CCDC40: variants seen among roughly 807,000 people sequenced by gnomAD.
The protein encoded by CCDC40 is coiled-coil domain-containing protein 40.
CCDC40 carries 104 observed loss-of-function variants against 124.5 expected under a neutral mutation model. The observed-to-expected ratio is 0.84, with a 90% CI of 0.71 to 0.98. The LOEUF (loss-of-function observed/expected upper bound fraction) is 0.98. CCDC40 is among the 50% of genes least tolerant of loss of function. CCDC40 has a pLI of 0.00. For missense variants in CCDC40, 1,463 were observed against 1,503.9 expected (o/e 0.97, Z 0.45); for synonymous variants, 580 against 602.9 (o/e 0.96, Z 0.56).
At chr17:80,069,729 T>G (rs1453318089) in intron 10 of CCDC40, among the ~76,000 whole-genome samples, 1 of 149,398 alleles carries the variant, frequency 6.7e-6, no homozygotes, top group Non-Finnish European at 1.5e-5. Context: ...CCAGCCTGGG[T>G]GACAGAGCGA....
rs752666548 is a variant in CCDC40, at chr17:80,089,774, A to G, written c.2722A>G (p.Met908Val). 5.6e-6 allele frequency: 9 copies of G among 1,614,232 alleles called. No individual in the cohort carries two copies. The highest frequency in any genetic ancestry group is 7.6e-6 in the Non-Finnish European group (9 of 1,180,028). Residue 908 changes from methionine (M) to valine (V), a missense_variant, in exon 17 of 20, where the codon ATG becomes GTG. Physicochemically the swap from Met to Val is conservative, Grantham distance 21. Transcript: ENST00000397545. ...NQLVEAEHQI[M>V]LWEKKIQLAK... ...CTCCTACCTCTAAAGACACCAGATT[A>G]TGCTTTGGGAGAAAAAAATCCAACT...
At chr17:80,090,025 G>T in intron 17 of CCDC40, 141 bp downstream of exon 17, 1 of 1,538,660 alleles carries the variant, frequency 6.5e-7, no homozygotes, top group South Asian at 1.2e-5. Context: ...CAATGGGTGA[G>T]ATTTCCAGGG....
intron 13 of CCDC40, 65 bp from the exon 14 acceptor site, chr17:80,085,938 G>A (rs2038577324): frequency 6.8e-7 from 1 of 1,464,090 alleles, no homozygotes; most frequent in South Asian, 1.1e-5. Context: ...CCAAAGTGCT[G>A]GAATTACAGG....
At chr17:80,071,854 G>A (rs182467720) in intron 10 of CCDC40, among the ~76,000 whole-genome samples, 1,904 of 15,514 alleles carry the variant, frequency 0.12, 55 homozygotes, top group African/African-American at 0.28. Flanking sequence ...TTTTTTTTTT[G>A]AGATGAAGTT....
intron 3 of CCDC40, chr17:80,040,600 A>C: frequency 5.9e-6 from 2 of 337,106 alleles, no homozygotes; most frequent in Non-Finnish European, 5.6e-6. Flanking sequence ...AATTGCTTGA[A>C]CCCGAGAGGC....
At chr17:80,074,172 G>C (rs547090257) in intron 10 of CCDC40, among the ~76,000 whole-genome samples, 44 of 152,330 alleles carry the variant, frequency 2.9e-4, no homozygotes, top group African/African-American at 9.9e-4. Context: ...AAGGGAAGCA[G>C]CCTAATTGCG....
At chr17:80,075,317 G>A (rs990247711) in intron 10 of CCDC40, among the ~76,000 whole-genome samples, 6 of 137,374 alleles carry the variant, frequency 4.4e-5, no homozygotes, top group Non-Finnish European at 6.1e-5. Flanking sequence ...CTCTTTTGTC[G>A]CCCAGGCTGG....
chr17:80,039,137 C>T (rs906786130), intron 2 of CCDC40, among the ~76,000 whole-genome samples: 2 of 152,050 alleles, frequency 1.3e-5, no homozygotes, highest in Non-Finnish European at 2.9e-5. Flanking sequence ...GAGGCTGAGG[C>T]GGATGGATCT....
rs757730799 is a variant in CCDC40, at chr17:80,086,162, G to A, written c.2395G>A (p.Asp799Asn). The A allele has an allele frequency of 3.1e-6, 5 of 1,613,776 alleles. No homozygotes were observed. In the Admixed American group the frequency reaches 8.3e-5, roughly 27 times the overall value. Residue 799 changes from aspartate (D) to asparagine (N), a missense_variant, in exon 14 of 20, where the codon GAC (aspartate) becomes AAC (asparagine). By Grantham distance (23) the Asp-to-Asn change is conservative. Coordinates refer to ENST00000397545, the MANE Select transcript of CCDC40 (RefSeq NM_017950.4). The surrounding 1 kb of genome is among the most constrained non-coding windows in gnomAD (Gnocchi z 5.5). ...QEQEEQLASL[D>N]ASKKELHIME... is the part of the protein sequence containing the mutation. ...GCAGGAGGAGCAGCTGGCCTCCCTG[G>A]ACGCATCCAAGAAGGAGCTCCACAT...
At position 80,040,285 on chromosome 17, in the gene CCDC40, C is replaced by CAGAA; in HGVS notation, c.552+15_552+16insAGAA. The stretch of plus-strand genomic sequence containing the variant: ...TGGGCAGATTGGTGAGTAGCCCTGA[C>CAGAA]TTCTGTTTTGTGCCAGTGTCGCACG... On this transcript the variant is annotated intron_variant, in intron 3 of 19. Transcript: ENST00000397545. 6.2e-7 allele frequency: 1 copy of CAGAA among 1,611,270 alleles called. No individual in the cohort carries two copies. The highest frequency in any genetic ancestry group is 8.5e-7 in the Non-Finnish European group (1 of 1,179,170).
At chr17:80,072,906 G>A (rs1306731761) in intron 10 of CCDC40, among the ~76,000 whole-genome samples, 5 of 152,190 alleles carry the variant, frequency 3.3e-5, no homozygotes, top group African/African-American at 9.7e-5. Flanking sequence ...GCATGGAGAC[G>A]TGTTTCCGTT....
chr17:80,046,532 C>CAATAATAATAATAATAAT (rs60431250), intron 3 of CCDC40, among the ~76,000 whole-genome samples: 2,763 of 147,330 alleles, frequency 0.019, 93 homozygotes, highest in African/African-American at 0.065. Flanking sequence ...GACCCTTACT[C>CAATAATAATAATAATAAT]AATAATAATA....
chr17:80,059,564 C>CTT (rs11429330), intron 9 of CCDC40, among the ~76,000 whole-genome samples: 74 of 142,512 alleles, frequency 5.2e-4, no homozygotes, highest in East Asian at 2.6e-3. Flanking sequence ...AAACAATTAA[C>CTT]TTTTTTTTTT....
intron 7 of CCDC40, among the ~76,000 whole-genome samples, chr17:80,057,018 G>A (rs1305577566): frequency 2.9e-5 from 4 of 137,918 alleles, no homozygotes; most frequent in South Asian, 4.6e-4. Flanking sequence ...CAGCCTGGGC[G>A]ACAGAGTGAG....
At chr17:80,072,485 T>C (rs1027689809) in intron 10 of CCDC40, among the ~76,000 whole-genome samples, 1 of 152,208 alleles carries the variant, frequency 6.6e-6, no homozygotes, top group African/African-American at 2.4e-5. Context: ...TTATTTTTAT[T>C]GTCAAATTTA....
intron 18 of CCDC40, among the ~76,000 whole-genome samples, chr17:80,096,581 C>T (rs1454324597): frequency 6.6e-6 from 1 of 151,954 alleles, no homozygotes; most frequent in Admixed American, 6.6e-5. Context: ...GCCCACCCCT[C>T]ACCTCCTGTC....
Position 80,087,595 on chromosome 17 carries a change from T to C in CCDC40, c.2450-12T>C. On this transcript the variant is annotated splice_polypyrimidine_tract_variant and intron_variant, in intron 14 of 19. Coordinates refer to ENST00000397545, the MANE Select transcript of CCDC40 (RefSeq NM_017950.4). The surrounding 1 kb of genome is among the most constrained non-coding windows in gnomAD (Gnocchi z 4.5). ...CTGGGGTCTCTCCCTGAGTCTCTGT[T>C]TTCTGCCATAGGCAAGATTGAGCAG... 2 of 1,613,728 alleles carry C rather than the reference T, an allele frequency of 1.2e-6. No individual in the cohort carries two copies. Among genetic ancestry groups the C allele is most frequent in the Non-Finnish European group, 8.5e-7 (1 of 1,179,664 alleles).
chr17:80,099,270 G>A (rs1428503055), intron 19 of CCDC40, among the ~76,000 whole-genome samples: 5 of 151,616 alleles, frequency 3.3e-5, no homozygotes, highest in East Asian at 1.9e-4. Context: ...CAGCCTGGGC[G>A]ACAGAGCAAG....
Position 80,047,351 on chromosome 17 carries a change from G to A in CCDC40, c.625G>A (p.Gly209Arg), listed in dbSNP as rs750192339. ...GVQHRFRLSH[G>R]SDIESSDLEE... Reference sequence around the variant, plus strand: ...CCAGCACCGCTTCCGGCTGAGCCACGGGAGCGACATCGAGTCCTCAGACCT... The same window carrying A: ...CCAGCACCGCTTCCGGCTGAGCCACAGGAGCGACATCGAGTCCTCAGACCT... The change falls in exon 4 of 20, where the codon GGG (glycine) becomes AGG (arginine). Residue 209 changes from glycine to arginine, a missense_variant. Physicochemically the swap from Gly to Arg is moderately radical, Grantham distance 125. Coordinates refer to ENST00000397545, the MANE Select transcript of CCDC40 (RefSeq NM_017950.4). The A allele has an allele frequency of 5.0e-6, 8 of 1,613,672 alleles. No homozygotes were observed. Among genetic ancestry groups the A allele is most frequent in the Non-Finnish European group, 6.8e-6 (8 of 1,179,910 alleles).
Sources: gnomAD v4.1 joint callset for allele counts (sites outside exome capture counted in the v4.1 genomes callset) on GRCh38, gnomAD v4.1.1 for gene constraint, Gnocchi (gnomAD v3.1) non-coding constraint, MANE v1.5 for transcripts, NCBI Gene and HGNC (gene_info 2026-07-23, HGNC 2026-07-21) for gene names.